Variants in RAPGEF2 observed in about 807,000 individuals in gnomAD.
RAPGEF2 encodes the protein Rap guanine nucleotide exchange factor 2.
In RAPGEF2, 54 loss-of-function variants were observed where a neutral mutation model predicts 186.7. That is an observed-to-expected ratio of 0.29 (90% CI 0.23 to 0.36). RAPGEF2 has a LOEUF of 0.36. Among genes scored for constraint, RAPGEF2 ranks in the 10% least tolerant of loss-of-function variants. The pLI is 1.00. For synonymous variants in RAPGEF2, 712 were observed against 705.9 expected, an observed-to-expected ratio of 1.01 and a Z score of -0.14; for missense variants, 1,532 against 2,045.0, an observed-to-expected ratio of 0.75 and a Z score of 4.84.
chr4:159,339,735 CACAA>C (rs1289933862), intron 19 of RAPGEF2, among the ~76,000 whole-genome samples: 1 of 152,182 alleles, frequency 6.6e-6, no homozygotes, highest in Non-Finnish European at 1.5e-5. Context: ...TATGTACGTT[CACAA>C]ACACATTTTC....
In RAPGEF2 at chr4:159,297,358, G is replaced by A. The variant is rs117116461; in HGVS notation, c.544-6984G>A. Among the ~76,000 whole-genome samples, 36 of 152,294 alleles carry A rather than the reference G, an allele frequency of 2.4e-4. 1 individual carries two copies. In the East Asian group the frequency reaches 5.8e-3, roughly 24 times the overall value. ...GTGGTTTTACCATACTTAGTTTGTA[G>A]CATATGTCTGTGCCAAATGCATATT... On this transcript the variant is annotated intron_variant, in intron 7 of 29. Coordinates refer to ENST00000691494, the MANE Select transcript of RAPGEF2 (RefSeq NM_001394067.2).
chr4:159,357,142 T>G lies in RAPGEF2; in HGVS notation c.4958-972T>G, dbSNP rs181416847. Reference sequence around the variant, plus strand: ...TGGGAGGCTGAGGTGGGAGGATTGCTTGAGGCCAGGAGTTCGAGACAAGCC... The same window carrying G: ...TGGGAGGCTGAGGTGGGAGGATTGCGTGAGGCCAGGAGTTCGAGACAAGCC... On this transcript the variant is annotated intron_variant, in intron 29 of 29. Transcript: ENST00000691494. 3.3e-5 allele frequency among the ~76,000 whole-genome samples: 5 copies of G among 152,336 alleles called. No individual in the cohort carries two copies. In the East Asian group the frequency reaches 9.7e-4, roughly 29 times the overall value.
At chr4:159,188,525 G>T (rs780979429) in intron 2 of RAPGEF2, among the ~76,000 whole-genome samples, 1 of 151,878 alleles carries the variant, frequency 6.6e-6, no homozygotes, top group South Asian at 2.1e-4. Context: ...TTAGCGGGGC[G>T]TGTTGGCAAA....
At chr4:159,156,948 C>G (rs1224344006) in intron 1 of RAPGEF2, among the ~76,000 whole-genome samples, 1 of 152,130 alleles carries the variant, frequency 6.6e-6, no homozygotes, top group East Asian at 1.9e-4. Flanking sequence ...TAGACATTTA[C>G]CCAGTACAGT....
At chr4:159,165,833 T>C (rs1181957580) in intron 1 of RAPGEF2, among the ~76,000 whole-genome samples, 3 of 152,126 alleles carry the variant, frequency 2.0e-5, no homozygotes, top group Admixed American at 2.0e-4. Flanking sequence ...GCTCAGGCAG[T>C]CCTCCAGCCT....
intron 7 of RAPGEF2, chr4:159,266,967 T>G (rs188397453): frequency 3.9e-6 from 1 of 256,084 alleles, no homozygotes; most frequent in Admixed American, 4.3e-5. Context: ...AGGCAAGAGC[T>G]TGTTACTTTA....
At chr4:159,106,891 C>G (rs1387172868) in intron 1 of RAPGEF2, among the ~76,000 whole-genome samples, 1 of 152,114 alleles carries the variant, frequency 6.6e-6, no homozygotes, top group Non-Finnish European at 1.5e-5. Flanking sequence ...CAGGAACTTT[C>G]ATAAATTGGG....
intron 28 of RAPGEF2, 88 bp downstream of exon 28, chr4:159,354,134 T>A: frequency 7.5e-7 from 1 of 1,335,380 alleles, no homozygotes; most frequent in Non-Finnish European, 1.0e-6. Context: ...TGTTTGTTGG[T>A]TCTTTTCCTC....
chr4:159,165,483 A>G (rs776180433), intron 1 of RAPGEF2, among the ~76,000 whole-genome samples: 19 of 152,246 alleles, frequency 1.2e-4, no homozygotes, highest in Non-Finnish European at 2.2e-4. Context: ...ATATAATTAA[A>G]TGTGTCTTCT....
chr4:159,231,026 G>A (rs1167898155), intron 4 of RAPGEF2, among the ~76,000 whole-genome samples: 1 of 152,128 alleles, frequency 6.6e-6, no homozygotes, highest in Non-Finnish European at 1.5e-5. Flanking sequence ...GTGTAATAAT[G>A]TTTTAATCAG....
intron 3 of RAPGEF2, among the ~76,000 whole-genome samples, chr4:159,194,448 CA>C (rs1215157745): frequency 1.3e-5 from 2 of 152,120 alleles, no homozygotes; most frequent in East Asian, 3.8e-4. Context: ...CACAGACCCC[CA>C]AATACTCATT....
intron 7 of RAPGEF2, among the ~76,000 whole-genome samples, chr4:159,287,773 T>C (rs752983347): frequency 5.9e-5 from 9 of 152,202 alleles, no homozygotes; most frequent in Non-Finnish European, 1.3e-4. Context: ...CTCAAATTAA[T>C]ATTTTTCTGT....
chr4:159,306,758 G>T (rs1232745943), intron 8 of RAPGEF2, among the ~76,000 whole-genome samples: 2 of 152,070 alleles, frequency 1.3e-5, no homozygotes, highest in Non-Finnish European at 2.9e-5. Context: ...CTGTAGGTTT[G>T]TCTTATATTA....
chr4:159,122,585 T>C (rs1739823861), intron 1 of RAPGEF2, among the ~76,000 whole-genome samples: 1 of 152,218 alleles, frequency 6.6e-6, no homozygotes, highest in South Asian at 2.1e-4. Flanking sequence ...GATGCAGCAT[T>C]AAATCATAAC....
In RAPGEF2 at chr4:159,104,147, C is replaced by A. The variant is rs754149896; in HGVS notation, c.-16C>A. The A allele has an allele frequency of 4.6e-6, 7 of 1,516,202 alleles. No homozygotes were observed. The highest frequency in any genetic ancestry group is 2.6e-5 in the East Asian group (1 of 38,984). 93.9% of individuals were successfully genotyped at this position (1,516,202 alleles called of 1,614,324 possible). On this transcript the variant is annotated 5_prime_UTR_variant, in exon 1 of 30. Transcript: ENST00000691494. ...GCCAGGGTGCGGAGCGGCCCCGGCC[C>A]GCTCCCAGAGGGGAGATGGCGTCCT...
At chr4:159,345,471 T>G (rs1342739715) in intron 24 of RAPGEF2, 142 bp downstream of exon 24, 2 of 722,542 alleles carry the variant, frequency 2.8e-6, no homozygotes, top group Non-Finnish European at 4.5e-6. Context: ...TTTCCTTGAA[T>G]GCTAATATTT....
In RAPGEF2 at chr4:159,352,800, A is replaced by G; in HGVS notation, c.3981A>G (p.Ser1327=). The G allele has an allele frequency of 6.2e-7, 1 of 1,614,180 alleles. No homozygotes were observed. The highest frequency in any genetic ancestry group is 8.5e-7 in the Non-Finnish European group (1 of 1,179,994). ...CGTCTTTTGACTCAGTGCCAGTCTCACTGCACGATGAGAGGCGCCAGAGGC... is the reference window on the plus strand; with the variant it reads ...CGTCTTTTGACTCAGTGCCAGTCTCGCTGCACGATGAGAGGCGCCAGAGGC... ...SNSSFDSVPV[S]LHDERRQRHS... The change falls in exon 27 of 30, where the codon TCA becomes TCG. Residue 1327 remains serine, a synonymous_variant. Coordinates refer to ENST00000691494, the MANE Select transcript of RAPGEF2 (RefSeq NM_001394067.2).
At chr4:159,279,933 C>G (rs1759467275) in intron 7 of RAPGEF2, among the ~76,000 whole-genome samples, 1 of 152,094 alleles carries the variant, frequency 6.6e-6, no homozygotes, top group Non-Finnish European at 1.5e-5. Context: ...AATCTGCCCG[C>G]CTCGGCCTCC....
At chr4:159,262,408 G>C (rs996232666) in intron 7 of RAPGEF2, among the ~76,000 whole-genome samples, 1 of 152,120 alleles carries the variant, frequency 6.6e-6, no homozygotes, top group Non-Finnish European at 1.5e-5. Context: ...TAGTGGGGGG[G>C]CCTTGTTCTA....
Sources: allele counts gnomAD v4.1 joint callset (sites outside exome capture counted in the v4.1 genomes callset), GRCh38; gene constraint gnomAD v4.1.1; transcripts MANE v1.5; gene names NCBI Gene and HGNC (gene_info 2026-07-23, HGNC 2026-07-21).